DNAH8: variants seen among roughly 807,000 people sequenced by gnomAD.
DNAH8 encodes the protein axonemal beta dynein heavy chain 8.
In DNAH8, 382 loss-of-function variants were observed where a neutral mutation model predicts 562.1. The observed-to-expected ratio is 0.68, with a 90% confidence interval of 0.63 to 0.74. The LOEUF (loss-of-function observed/expected upper bound fraction) is 0.74. Among genes scored for constraint, DNAH8 ranks in the 30% least tolerant of loss-of-function variants. The pLI is 0.00. For synonymous variants in DNAH8, 1,881 were observed against 1,919.4 expected, an observed-to-expected ratio of 0.98 and a Z score of 0.52; for missense variants, 5,203 against 5,620.4, an observed-to-expected ratio of 0.93 and a Z score of 2.37.
At chr6:38,940,550 T>C (rs1561892044) in intron 79 of DNAH8, among the ~76,000 whole-genome samples, 1 of 152,350 alleles carries the variant, frequency 6.6e-6, no homozygotes, top group Non-Finnish European at 1.5e-5. Flanking sequence ...CGTGCTGTTA[T>C]AGTCACTCAG....
In DNAH8 at chr6:38,786,883, T is replaced by G. The variant is rs1477474459; in HGVS notation, c.2514T>G (p.Asp838Glu). 6.2e-7 allele frequency: 1 copy of G among 1,613,606 alleles called. No homozygotes were observed. The highest frequency in any genetic ancestry group is 1.3e-5 in the African/African-American group (1 of 75,024). ...ETKCMIKMKL[D>E]VPEQAKRLLK... The stretch of plus-strand genomic sequence containing the variant: ...AGTGTATGATAAAAATGAAGTTGGA[T>G]GTACCAGAACAGGCAAAGAGATTGC... The change falls in exon 18 of 93, where the codon GAT becomes GAG. Residue 838 changes from aspartate to glutamate, a missense_variant. Coordinates refer to ENST00000327475, the MANE Select transcript of DNAH8 (RefSeq NM_001206927.2).
chr6:39,014,659 G>A (rs1044078573), intron 91 of DNAH8, among the ~76,000 whole-genome samples: 6 of 152,194 alleles, frequency 3.9e-5, no homozygotes, highest in African/African-American at 1.4e-4. Flanking sequence ...AGTGAGTAGG[G>A]TTTGCAGAAG....
chr6:38,738,079 C>A, intron 7 of DNAH8, 107 bp downstream of exon 7: 1 of 1,182,400 alleles, frequency 8.5e-7, no homozygotes, highest in Non-Finnish European at 1.2e-6. Flanking sequence ...CTTTGACTTT[C>A]TTCCAGAATC....
chr6:38,987,486 C>G (rs1764480560), intron 87 of DNAH8, among the ~76,000 whole-genome samples: 1 of 152,180 alleles, frequency 6.6e-6, no homozygotes, highest in South Asian at 2.1e-4. Context: ...ATTGGCTGTT[C>G]CCAAGTAACA....
intron 10 of DNAH8, among the ~76,000 whole-genome samples, chr6:38,757,465 G>T (rs1190900646): frequency 6.6e-6 from 1 of 151,920 alleles, no homozygotes; most frequent in Non-Finnish European, 1.5e-5. Flanking sequence ...CTCCCATTCT[G>T]TAGGTTGCCT....
intron 58 of DNAH8, among the ~76,000 whole-genome samples, chr6:38,893,155 G>T (rs1375011505): frequency 6.6e-6 from 1 of 152,172 alleles, no homozygotes; most frequent in East Asian, 1.9e-4. Context: ...AACCAAGGAG[G>T]TGCTCAGTCA....
chr6:38,857,494 A>T (rs776274652), intron 41 of DNAH8, 24 bp from the exon 42 acceptor site: 2 of 1,538,278 alleles, frequency 1.3e-6, no homozygotes, highest in Non-Finnish European at 1.8e-6. Context: ...GGCAAATTTT[A>T]ATATTTTTCT....
intron 8 of DNAH8, among the ~76,000 whole-genome samples, chr6:38,747,389 T>TC (rs71543940): frequency 0.057 from 8,206 of 144,956 alleles, 220 homozygotes; most frequent in South Asian, 0.098. Context: ...TTTTTCTTTT[T>TC]TTTTTTTTTT....
In DNAH8 at chr6:38,978,470, T is replaced by G. The variant is rs188267865; in HGVS notation, c.12835-3876T>G. 6.6e-3 allele frequency among the ~76,000 whole-genome samples: 1,013 copies of G among 152,340 alleles called. 8 individuals carry two copies. Among genetic ancestry groups the G allele is most frequent in the African/African-American group, 0.021 (889 of 41,574 alleles). On this transcript the variant is annotated intron_variant, in intron 85 of 92. Coordinates refer to ENST00000327475, the MANE Select transcript of DNAH8 (RefSeq NM_001206927.2). ...GGTTATAAAATTCCTCATTTAAATGTCTTTGAATGATTATGGTAATATGAT... is the reference window on the plus strand; with the variant it reads ...GGTTATAAAATTCCTCATTTAAATGGCTTTGAATGATTATGGTAATATGAT...
In DNAH8 at chr6:38,980,966, T is replaced by C. The variant is rs190223159; in HGVS notation, c.12835-1380T>C. On this transcript the variant is annotated intron_variant, in intron 85 of 92. Transcript: ENST00000327475. Reference sequence around the variant, plus strand: ...GATTTTTTTTTAAATGGTGGAATTATTCAGGATCGGAATCATGGAACAGCT... The same window carrying C: ...GATTTTTTTTTAAATGGTGGAATTACTCAGGATCGGAATCATGGAACAGCT... Among the ~76,000 whole-genome samples, 10 of 151,948 alleles carry C rather than the reference T, an allele frequency of 6.6e-5. No individual in the cohort carries two copies. In the South Asian group the frequency reaches 8.4e-4, roughly 13 times the overall value.
chr6:38,830,856 T>C (rs755411366), intron 30 of DNAH8, among the ~76,000 whole-genome samples: 4 of 152,136 alleles, frequency 2.6e-5, no homozygotes, highest in Non-Finnish European at 4.4e-5. Flanking sequence ...GTCAACTGGA[T>C]GATTTTATGC....
At chr6:38,830,173 C>A (rs1328745435) in intron 30 of DNAH8, among the ~76,000 whole-genome samples, 1 of 152,058 alleles carries the variant, frequency 6.6e-6, no homozygotes, top group Non-Finnish European at 1.5e-5. Flanking sequence ...TTTATCATTT[C>A]TTTTCTTCTT....
chr6:38,783,271 A>G lies in DNAH8; in HGVS notation c.2395+132A>G, dbSNP rs76934040. Reference sequence around the variant, plus strand: ...GTTACAATTTAGATTTAGGGATGCTACAGTGGTTTATTTGTTTACAGTTGT... The same window carrying G: ...GTTACAATTTAGATTTAGGGATGCTGCAGTGGTTTATTTGTTTACAGTTGT... On this transcript the variant is annotated intron_variant, in intron 17 of 92. Coordinates refer to ENST00000327475, the MANE Select transcript of DNAH8 (RefSeq NM_001206927.2). 975 of 678,728 alleles carry G rather than the reference A, an allele frequency of 1.4e-3. 4 individuals are homozygous for G. The African/African-American group carries it at 0.016, about 11-fold the overall frequency. The allele number at this position is 678,728 out of a possible 1,614,324, so 42.0% of individuals were successfully genotyped here. A position where few individuals can be genotyped will look rare whatever the true frequency, so the allele number is the denominator to read the frequency against.
chr6:38,828,173 T>C lies in DNAH8; in HGVS notation c.4084-11T>C, dbSNP rs559461735. On this transcript the variant is annotated splice_polypyrimidine_tract_variant and intron_variant, in intron 29 of 92. Transcript: ENST00000327475. ...CTTGTGATATTTCTAAACTCCACCT[T>C]CATCCTGCAGGAAGCCTATGCTATT... 5 of 1,560,084 alleles carry C rather than the reference T, an allele frequency of 3.2e-6. No homozygotes were observed. The African/African-American group carries it at 5.5e-5, about 17-fold the overall frequency.
At position 38,837,925 on chromosome 6, in the gene DNAH8, A is replaced by T; in HGVS notation, c.4366-17A>T. 1 of 1,554,088 alleles carries T rather than the reference A, an allele frequency of 6.4e-7. No individual in the cohort carries two copies. The highest frequency in any genetic ancestry group is 8.8e-7 in the Non-Finnish European group (1 of 1,130,586). On this transcript the variant is annotated splice_polypyrimidine_tract_variant and intron_variant, in intron 32 of 92. Transcript: ENST00000327475. ...AATTAATTGTATTTTAGTACAATTTAAAAACCTTTGTTACAGGCCAGTTTC... is the reference window on the plus strand; with the variant it reads ...AATTAATTGTATTTTAGTACAATTTTAAAACCTTTGTTACAGGCCAGTTTC...
chr6:38,959,670 A>G (rs867965498), intron 82 of DNAH8, among the ~76,000 whole-genome samples: 3 of 152,148 alleles, frequency 2.0e-5, no homozygotes, highest in South Asian at 2.1e-4. Context: ...AAGAATTAAT[A>G]TTGTTAAAAT....
intron 8 of DNAH8, among the ~76,000 whole-genome samples, chr6:38,745,398 A>G (rs1309256354): frequency 2.0e-5 from 3 of 152,220 alleles, no homozygotes; most frequent in Non-Finnish European, 4.4e-5. Context: ...GACAATTACA[A>G]TGCAAACTTT....
intron 80 of DNAH8, among the ~76,000 whole-genome samples, chr6:38,948,663 G>A (rs562145281): frequency 2.0e-5 from 3 of 152,180 alleles, no homozygotes; most frequent in East Asian, 1.9e-4. Context: ...TACAAACACC[G>A]TCTAAATAAC....
At position 38,715,927 on chromosome 6, in the gene DNAH8, T is replaced by TAAATAA. The variant is rs1295765006; in HGVS notation, c.-35+513_-35+514insAATAAA. ...TAAAATAAATAAATAAATAAATAAA[T>TAAATAA]ATATATATATATATATATATATATA... On this transcript the variant is annotated intron_variant, in intron 1 of 92. Transcript: ENST00000327475. Among the ~76,000 whole-genome samples the TAAATAA allele has an allele frequency of 4.7e-3, 149 of 31,546 alleles. 2 individuals are homozygous for TAAATAA. Among genetic ancestry groups the TAAATAA allele is most frequent in the African/African-American group, 0.01 (65 of 6,392 alleles). The allele number at this position is 31,546 out of a possible 152,430, so 20.7% of individuals were successfully genotyped here.
Sources: allele counts gnomAD v4.1 joint callset (sites outside exome capture counted in the v4.1 genomes callset), GRCh38; gene constraint gnomAD v4.1.1; transcripts MANE v1.5; gene names NCBI Gene and HGNC (gene_info 2026-07-23, HGNC 2026-07-21).